The following NDC80 variants were observed in gnomAD, a reference collection of about 807,000 sequenced individuals.
The protein encoded by NDC80 is kinetochore protein NDC80 homolog.
In NDC80, 69 loss-of-function variants were observed where a neutral mutation model predicts 89.3. The ratio of observed to expected loss-of-function variants is 0.77; its 90% CI spans 0.64 to 0.94. The LOEUF (loss-of-function observed/expected upper bound fraction) is 0.94, where lower values mean the gene tolerates loss of function less well. Among genes scored for constraint, NDC80 ranks in the 40% least tolerant of loss-of-function variants. NDC80 has a pLI of 0.00. For synonymous variants in NDC80, 243 were observed against 255.6 expected (o/e 0.95, Z 0.47); for missense variants, 593 against 739.6 (o/e 0.80, Z 2.30).
intron 13 of NDC80, among the ~76,000 whole-genome samples, chr18:2,605,816 T>C (rs1419312342): frequency 6.6e-6 from 1 of 152,178 alleles, no homozygotes; most frequent in Non-Finnish European, 1.5e-5. Context: ...TCTCTATTAA[T>C]TGCTGACATC....
chr18:2,595,399 GT>G lies in NDC80; in HGVS notation c.1016-10del, dbSNP rs768621792. ...GAATTGAAGATACATTAAAAATTTG[GT>G]TTTTTTCCAACACAGAACTAGAATG... On this transcript the variant is annotated splice_polypyrimidine_tract_variant and intron_variant, in intron 10 of 16. Coordinates refer to ENST00000261597, the MANE Select transcript of NDC80 (RefSeq NM_006101.3). The G allele has an allele frequency of 1.2e-6, 2 of 1,603,266 alleles. No individual in the cohort carries two copies. Among genetic ancestry groups the G allele is most frequent in the Non-Finnish European group, 1.7e-6 (2 of 1,174,078 alleles).
intron 7 of NDC80, among the ~76,000 whole-genome samples, chr18:2,586,982 A>G (rs149046038): frequency 4.9e-4 from 74 of 152,312 alleles, no homozygotes; most frequent in African/African-American, 1.7e-3. Flanking sequence ...GCTTAAGGAA[A>G]CTGATTCAGT....
intron 13 of NDC80, among the ~76,000 whole-genome samples, chr18:2,605,254 G>T (rs1462480160): frequency 2.2e-5 from 1 of 44,650 alleles, no homozygotes; most frequent in African/African-American, 1.3e-4. Flanking sequence ...TAGGCAATTG[G>T]AGTCGGGCGG....
intron 4 of NDC80, 43 bp from the exon 5 acceptor site, chr18:2,577,926 T>C: frequency 6.2e-7 from 1 of 1,609,178 alleles, no homozygotes; most frequent in South Asian, 1.1e-5. Flanking sequence ...TTCCAATAAT[T>C]TTCCATTACA....
rs567969051 is a variant in NDC80, at chr18:2,600,800, C to T, written c.1375-596C>T. On this transcript the variant is annotated intron_variant, in intron 12 of 16. Coordinates refer to ENST00000261597, the MANE Select transcript of NDC80 (RefSeq NM_006101.3). ...CTGTGTTAAATGCCACTGAATTACA[C>T]GCTATAATTTTATGTTAAACTTTAT... 2.3e-4 allele frequency among the ~76,000 whole-genome samples: 35 copies of T among 152,242 alleles called. 2 individuals are homozygous for T. The South Asian group carries it at 6.0e-3, about 26-fold the overall frequency.
At chr18:2,613,038 T>G (rs2072753713) in intron 16 of NDC80, among the ~76,000 whole-genome samples, 1 of 152,230 alleles carries the variant, frequency 6.6e-6, no homozygotes, top group Non-Finnish European at 1.5e-5. Context: ...ATTTTTCTTG[T>G]GGGACAAAGT....
rs938771160 is a variant in NDC80 at position 2,616,610 on chromosome 18, G to A, written c.*36G>A. 2.6e-6 allele frequency: 3 copies of A among 1,153,626 alleles called. No individual in the cohort carries two copies. The highest frequency in any genetic ancestry group is 2.8e-5 in the East Asian group (1 of 35,448). The allele number at this position is 1,153,626 out of a possible 1,614,324, so 71.5% of individuals were successfully genotyped here. ...TTGATCATGTATATATATCCATAGT[G>A]AATAAAATTGTCTCAGTAAAGTGTA... On this transcript the variant is annotated 3_prime_UTR_variant, in exon 17 of 17. Transcript: ENST00000261597.
intron 10 of NDC80, among the ~76,000 whole-genome samples, chr18:2,591,378 T>C (rs1183544469): frequency 6.6e-6 from 1 of 152,084 alleles, no homozygotes; most frequent in Non-Finnish European, 1.5e-5. Flanking sequence ...AAAAATAAAT[T>C]TATTGACAAC....
chr18:2,606,753 GT>G lies in NDC80; in HGVS notation c.1557+247del, dbSNP rs547988921. On this transcript the variant is annotated intron_variant, in intron 14 of 16. Transcript: ENST00000261597. ...GGAACATTTACTTTTCCTTTATCTG[GT>G]ATTTTATACTTGCATATGACTCAGT... 2.5e-3 allele frequency among the ~76,000 whole-genome samples: 387 copies of G among 151,952 alleles called. 1 individual carries two copies. Among genetic ancestry groups the G allele is most frequent in the Non-Finnish European group, 4.1e-3 (281 of 67,894 alleles).
intron 8 of NDC80, among the ~76,000 whole-genome samples, chr18:2,588,905 A>C (rs1472887842): frequency 6.6e-6 from 1 of 152,162 alleles, no homozygotes; most frequent in African/African-American, 2.4e-5. Context: ...AATAGGATAA[A>C]AACCTCTGCC....
intron 7 of NDC80, among the ~76,000 whole-genome samples, chr18:2,586,334 C>G (rs554936125): frequency 1.3e-5 from 2 of 152,244 alleles, no homozygotes; most frequent in East Asian, 3.9e-4. Context: ...AACCTTTGAT[C>G]CCACCCTTGA....
At chr18:2,589,102 A>G (rs1203867169) in intron 8 of NDC80, 102 bp from the exon 9 acceptor site, 13 of 751,564 alleles carry the variant, frequency 1.7e-5, no homozygotes, top group Non-Finnish European at 2.8e-5. Flanking sequence ...TGTTTTGGGC[A>G]GAGACCAGAA....
chr18:2,603,134 A>C (rs528201503), intron 13 of NDC80, among the ~76,000 whole-genome samples: 1 of 152,132 alleles, frequency 6.6e-6, no homozygotes, highest in East Asian at 1.9e-4. Context: ...TCAGAGTGTA[A>C]GAAGGAGATC....
rs749263359 is a variant in NDC80, at chr18:2,610,794, G to A, written c.1724G>A (p.Arg575Lys). 2 of 1,591,828 alleles carry A rather than the reference G, an allele frequency of 1.3e-6. No homozygotes were observed. Among genetic ancestry groups the A allele is most frequent in the Admixed American group, 1.7e-5 (1 of 59,400 alleles). ...GTTGTGCAAACCACGACTGAAGAAA[G>A]ACGAAAAGTGGGAAATAACTTGCAA... is the stretch of plus-strand genomic sequence containing the variant. ...QLVVQTTTEE[R>K]RKVGNNLQRL... Residue 575 changes from arginine to lysine, a missense_variant, in exon 16 of 17, where the codon AGA (arginine) becomes AAA (lysine). Transcript: ENST00000261597.
intron 2 of NDC80, 89 bp from the exon 3 acceptor site, chr18:2,574,900 A>T: frequency 1.3e-6 from 1 of 776,656 alleles, no homozygotes. Flanking sequence ...GCTAGTGGGG[A>T]AGAGTTGTTG....
In NDC80 at chr18:2,580,370, G is replaced by A. The variant is rs79685023; in HGVS notation, c.579+1341G>A. 4.6e-3 allele frequency among the ~76,000 whole-genome samples: 687 copies of A among 149,786 alleles called. 20 individuals are homozygous for A. The East Asian group carries it at 0.07, about 15-fold the overall frequency. ...TTTAATTTCATGTGCTGTTTTATCT[G>A]TTCAGAAATGTGAGTTTTTATCTAA... On this transcript the variant is annotated intron_variant, in intron 6 of 16. Coordinates refer to ENST00000261597, the MANE Select transcript of NDC80 (RefSeq NM_006101.3).
At chr18:2,613,875 GA>G (rs1375475189) in intron 16 of NDC80, among the ~76,000 whole-genome samples, 2 of 152,056 alleles carry the variant, frequency 1.3e-5, no homozygotes, top group Admixed American at 6.6e-5. Context: ...AATGGCCTTT[GA>G]AAAATAAATA....
intron 16 of NDC80, chr18:2,614,558 AG>A (rs1568016000): frequency 2.1e-4 from 1 of 4,808 alleles, no homozygotes. Flanking sequence ...GAAGGAAGGA[AG>A]GAAGGGAAAG....
chr18:2,575,101 T>C (rs2072539623), intron 3 of NDC80, 35 bp downstream of exon 3: 2 of 1,442,124 alleles, frequency 1.4e-6, no homozygotes, highest in African/African-American at 2.8e-5. Flanking sequence ...AATAAAGGGA[T>C]TCTTATAGCC....
Sources: allele counts gnomAD v4.1 joint callset (sites outside exome capture counted in the v4.1 genomes callset), GRCh38; gene constraint gnomAD v4.1.1; transcripts MANE v1.5; gene names NCBI Gene and HGNC (gene_info 2026-07-23, HGNC 2026-07-21).